Variants in AKT3 observed in about 807,000 individuals in gnomAD.
AKT3 encodes AKT serine/threonine kinase 3.
AKT3 carries 15 observed loss-of-function variants against 65.3 expected under a neutral mutation model. The ratio of observed to expected loss-of-function variants is 0.23; its 90% CI spans 0.15 to 0.35. The LOEUF is 0.35. AKT3 is among the 10% of genes least tolerant of loss of function. AKT3 has a pLI of 1.00. For synonymous variants in AKT3, 206 were observed against 183.8 expected, an observed-to-expected ratio of 1.12 and a Z score of -0.98; for missense variants, 243 against 576.5, an observed-to-expected ratio of 0.42 and a Z score of 5.92.
intron 12 of AKT3, among the ~76,000 whole-genome samples, chr1:243,522,017 T>C (rs1366132005): frequency 6.6e-6 from 1 of 152,200 alleles, no homozygotes; most frequent in East Asian, 1.9e-4. Context: ...CTGGAGAGGA[T>C]TCACCTATAA....
intron 8 of AKT3, among the ~76,000 whole-genome samples, chr1:243,593,968 CAAAT>C (rs1676421947): frequency 6.6e-6 from 1 of 152,056 alleles, no homozygotes; most frequent in Non-Finnish European, 1.5e-5. Context: ...ATTAAACAGA[CAAAT>C]ATATACATGC....
chr1:243,622,408 GA>G (rs1442295892), intron 6 of AKT3, among the ~76,000 whole-genome samples: 1 of 152,088 alleles, frequency 6.6e-6, no homozygotes, highest in African/African-American at 2.4e-5. Context: ...TGTAAGTATG[GA>G]TTAGTTTATT....
chr1:243,581,444 T>G (rs972332622), intron 8 of AKT3, among the ~76,000 whole-genome samples: 2 of 151,470 alleles, frequency 1.3e-5, no homozygotes, highest in African/African-American at 2.4e-5. Context: ...CAAAATAAAA[T>G]TGGCCAAAAG....
chr1:243,709,803 C>T (rs1236753397), intron 2 of AKT3, among the ~76,000 whole-genome samples: 1 of 151,974 alleles, frequency 6.6e-6, no homozygotes, highest in Non-Finnish European at 1.5e-5. Context: ...CTGTTCTATG[C>T]GTTCTTCCTT....
At chr1:243,623,140 ATAGT>A (rs1678891385) in intron 6 of AKT3, among the ~76,000 whole-genome samples, 1 of 152,154 alleles carries the variant, frequency 6.6e-6, no homozygotes, top group Non-Finnish European at 1.5e-5. Context: ...GTTTGACTAG[ATAGT>A]TTATGCAAAC....
intron 2 of AKT3, among the ~76,000 whole-genome samples, chr1:243,699,465 C>CCA (rs1389882625): frequency 2.5e-4 from 26 of 103,612 alleles, no homozygotes; most frequent in African/African-American, 1.3e-3. Context: ...ACCTCTTCCA[C>CCA]TATATATATA....
chr1:243,710,174 T>C (rs1686057511), intron 2 of AKT3, among the ~76,000 whole-genome samples: 1 of 152,158 alleles, frequency 6.6e-6, no homozygotes, highest in Non-Finnish European at 1.5e-5. Flanking sequence ...TCTGAAGTTT[T>C]CTGAATTATC....
At chr1:243,726,100 C>T (rs1008479862) in intron 2 of AKT3, among the ~76,000 whole-genome samples, 2 of 152,132 alleles carry the variant, frequency 1.3e-5, no homozygotes. Context: ...GTGGGTGCTA[C>T]TCATCTTTTC....
At chr1:243,598,696 T>A (rs945062292) in intron 8 of AKT3, among the ~76,000 whole-genome samples, 18 of 152,176 alleles carry the variant, frequency 1.2e-4, no homozygotes, top group African/African-American at 4.3e-4. Context: ...CCTTCCCACA[T>A]ACCCTTCAAA....
chr1:243,498,218 C>T (rs1358267624), downstream of AKT3, among the ~76,000 whole-genome samples: 3 of 150,406 alleles, frequency 2.0e-5, no homozygotes, highest in Non-Finnish European at 4.4e-5. Context: ...GGTGCAAACC[C>T]TGCGTTTGAC....
chr1:243,813,422 T>TA (rs1693309634), intron 2 of AKT3, among the ~76,000 whole-genome samples: 1 of 151,488 alleles, frequency 6.6e-6, no homozygotes, highest in Admixed American at 6.6e-5. Flanking sequence ...CAAAATCTCG[T>TA]AAGTCACCAC....
intron 11 of AKT3, among the ~76,000 whole-genome samples, chr1:243,549,270 T>G (rs1439306424): frequency 6.6e-6 from 1 of 152,170 alleles, no homozygotes; most frequent in African/African-American, 2.4e-5. Flanking sequence ...TCAAGCCTCC[T>G]TGGTTTGCAT....
intron 3 of AKT3, chr1:243,687,921 T>C (rs1016928337): frequency 7.9e-5 from 12 of 152,296 alleles, no homozygotes; most frequent in African/African-American, 2.4e-4. Context: ...TTACGGTAAT[T>C]CACTTCTTAA....
chr1:243,789,997 C>T (rs145770463), intron 2 of AKT3, among the ~76,000 whole-genome samples: 1 of 152,300 alleles, frequency 6.6e-6, no homozygotes, highest in African/African-American at 2.4e-5. Flanking sequence ...GATGTGCTGG[C>T]TTCCAGGCTC....
chr1:243,764,516 T>G (rs1689693657), intron 2 of AKT3, among the ~76,000 whole-genome samples: 1 of 152,120 alleles, frequency 6.6e-6, no homozygotes, highest in Admixed American at 6.6e-5. Flanking sequence ...AATAGCTGTA[T>G]TTTTAAGAAA....
chr1:243,794,460 A>T (rs752416387), intron 2 of AKT3: 3 of 152,258 alleles, frequency 2.0e-5, no homozygotes, highest in Non-Finnish European at 4.4e-5. Flanking sequence ...CATTTATAAC[A>T]TTATATCAAA....
intron 2 of AKT3, among the ~76,000 whole-genome samples, chr1:243,759,838 T>C (rs1490744716): frequency 7.9e-5 from 12 of 152,188 alleles, no homozygotes; most frequent in Admixed American, 5.9e-4. Flanking sequence ...AATATCAGAT[T>C]GAATAATTCA....
chr1:243,782,549 T>C (rs1223931618), intron 2 of AKT3, among the ~76,000 whole-genome samples: 1 of 152,140 alleles, frequency 6.6e-6, no homozygotes, highest in Admixed American at 6.5e-5. Context: ...GCCCCTTTTC[T>C]TAACACTATC....
At chr1:243,658,641 T>C (rs765298626) in intron 4 of AKT3, among the ~76,000 whole-genome samples, 1 of 152,124 alleles carries the variant, frequency 6.6e-6, no homozygotes, top group Non-Finnish European at 1.5e-5. Context: ...CAAAGTGAAA[T>C]GAGGAACTTA....
Sources: allele counts gnomAD v4.1 joint callset (sites outside exome capture counted in the v4.1 genomes callset), GRCh38; gene constraint gnomAD v4.1.1; transcripts MANE v1.5; gene names NCBI Gene and HGNC (gene_info 2026-07-23, HGNC 2026-07-21).